The following MACROD2 variants were observed in gnomAD, a reference collection of about 807,000 sequenced individuals.
MACROD2 encodes mono-ADP ribosylhydrolase 2.
MACROD2 carries 36 observed loss-of-function variants against 70.4 expected under a neutral mutation model. The ratio of observed to expected loss-of-function variants is 0.51; its 90% CI spans 0.39 to 0.68. MACROD2 has a LOEUF of 0.68. Among genes scored for constraint, MACROD2 ranks in the 30% least tolerant of loss-of-function variants. MACROD2 has a pLI of 0.00. For synonymous variants in MACROD2, 172 were observed against 178.8 expected (o/e 0.96, Z 0.30); for missense variants, 496 against 538.4 (o/e 0.92, Z 0.78).
chr20:15,949,473 C>A (rs1034015322), intron 12 of MACROD2, among the ~76,000 whole-genome samples: 1 of 152,130 alleles, frequency 6.6e-6, no homozygotes, highest in Non-Finnish European at 1.5e-5. Flanking sequence ...CAGCCCCTGA[C>A]CATCAAGATG....
Position 15,777,493 on chromosome 20 carries a change from TTTTCCTTCCTTCCTTC to T in MACROD2, c.646-85235_646-85220del, listed in dbSNP as rs1249995507. Among the ~76,000 whole-genome samples, 68 of 148,752 alleles carry T rather than the reference TTTTCCTTCCTTCCTTC, an allele frequency of 4.6e-4. 2 individuals carry two copies. The highest frequency in any genetic ancestry group is 3.6e-3 in the East Asian group (18 of 4,980). Reference sequence around the variant, plus strand: ...GTGACAGAGCCAAGTTGATTCTTTTTTTTCCTTCCTTCCTTCTTTCCTTCCTTCCTTCCTTCCTTCC... The same window carrying T: ...GTGACAGAGCCAAGTTGATTCTTTTTTTTCCTTCCTTCCTTCCTTCCTTCC... On this transcript the variant is annotated intron_variant, in intron 8 of 17. Transcript: ENST00000684519.
In MACROD2 at chr20:15,081,166, AAAAAT is replaced by A. The variant is rs1025324989; in HGVS notation, c.419-148763_419-148759del. On this transcript the variant is annotated intron_variant, in intron 5 of 17. Transcript: ENST00000684519. ...ACATCTTTACATGGTTAAAACATTA[AAAAAT>A]AAAATAAAATTTTGTAATAAAAAAA... 1.9e-3 allele frequency among the ~76,000 whole-genome samples: 290 copies of A among 152,248 alleles called. 3 individuals are homozygous for A. The highest frequency in any genetic ancestry group is 6.5e-3 in the African/African-American group (268 of 41,524).
At chr20:15,370,934 G>C (rs190088863) in intron 6 of MACROD2, among the ~76,000 whole-genome samples, 2 of 152,162 alleles carry the variant, frequency 1.3e-5, no homozygotes, top group Admixed American at 1.3e-4. Flanking sequence ...AATGAAACCT[G>C]TATGTCCATA....
intron 5 of MACROD2, among the ~76,000 whole-genome samples, chr20:15,192,912 C>CT (rs1212596517): frequency 6.6e-6 from 1 of 152,198 alleles, no homozygotes; most frequent in African/African-American, 2.4e-5. Flanking sequence ...AAACTGATCT[C>CT]TAACTCCGCA....
chr20:14,767,500 A>G (rs1166486133), intron 5 of MACROD2, among the ~76,000 whole-genome samples: 1 of 151,978 alleles, frequency 6.6e-6, no homozygotes, highest in Non-Finnish European at 1.5e-5. Context: ...TGAAGACAAT[A>G]CATATATAAA....
intron 8 of MACROD2, among the ~76,000 whole-genome samples, chr20:15,565,561 A>G (rs536042222): frequency 1.9e-4 from 29 of 152,346 alleles, no homozygotes; most frequent in African/African-American, 6.5e-4. Flanking sequence ...TTCTTGAGAT[A>G]TAGAAAGTAG....
intron 10 of MACROD2, among the ~76,000 whole-genome samples, chr20:15,886,302 C>A (rs925927586): frequency 6.6e-6 from 1 of 152,146 alleles, no homozygotes; most frequent in African/African-American, 2.4e-5. Context: ...TTGTTCATGG[C>A]CACCTTTATG....
chr20:14,379,138 CTA>C (rs1396878905), intron 3 of MACROD2, among the ~76,000 whole-genome samples: 1 of 152,134 alleles, frequency 6.6e-6, no homozygotes, highest in African/African-American at 2.4e-5. Flanking sequence ...GAAGAAGATA[CTA>C]TTATTCTTAT....
chr20:15,045,372 T>C (rs913144445), intron 5 of MACROD2, among the ~76,000 whole-genome samples: 2 of 152,156 alleles, frequency 1.3e-5, no homozygotes, highest in Non-Finnish European at 2.9e-5. Flanking sequence ...CTTGTCTGTG[T>C]TTTTCTCCCC....
chr20:15,589,465 C>T (rs768076143), intron 8 of MACROD2, among the ~76,000 whole-genome samples: 3 of 152,186 alleles, frequency 2.0e-5, no homozygotes, highest in Non-Finnish European at 4.4e-5. Context: ...CACAGCTTCC[C>T]TCATTATCAA....
chr20:14,556,393 G>A (rs1037317007), intron 4 of MACROD2, among the ~76,000 whole-genome samples: 1 of 152,042 alleles, frequency 6.6e-6, no homozygotes, highest in African/African-American at 2.4e-5. Flanking sequence ...GAATTTTTGT[G>A]TTATCTGTCA....
intron 5 of MACROD2, among the ~76,000 whole-genome samples, chr20:15,107,148 A>T (rs1166544123): frequency 6.6e-6 from 1 of 151,612 alleles, no homozygotes; most frequent in Non-Finnish European, 1.5e-5. Flanking sequence ...TCATTCCAGC[A>T]TTTTATGGAA....
intron 4 of MACROD2, among the ~76,000 whole-genome samples, chr20:14,554,686 T>A (rs1373402476): frequency 6.6e-6 from 1 of 152,134 alleles, no homozygotes; most frequent in Non-Finnish European, 1.5e-5. Flanking sequence ...CTAAGAGATA[T>A]GTATGAGAGA....
intron 6 of MACROD2, among the ~76,000 whole-genome samples, chr20:15,381,054 G>A (rs923613292): frequency 3.5e-4 from 53 of 152,200 alleles, no homozygotes; most frequent in African/African-American, 1.3e-3. Flanking sequence ...GGTACAAAAG[G>A]TTGACAAGCA....
rs368283801 is a variant in MACROD2, at chr20:15,021,121, C to CATACGTGTGTGTATACACAT, written c.419-208819_419-208818insATACGTGTGTGTATACACAT. Among the ~76,000 whole-genome samples, 3 of 102,140 alleles carry CATACGTGTGTGTATACACAT rather than the reference C, an allele frequency of 2.9e-5. 1 individual carries two copies. Among genetic ancestry groups the CATACGTGTGTGTATACACAT allele is most frequent in the African/African-American group, 1.3e-4 (3 of 23,372 alleles). The allele number at this position is 102,140 out of a possible 152,430, so 67.0% of individuals were successfully genotyped here. A position where few individuals can be genotyped will look rare whatever the true frequency, so the allele number is the denominator to read the frequency against. On this transcript the variant is annotated intron_variant, in intron 5 of 17. Transcript: ENST00000684519. ...GTGTATACACGTGTATGTGTATACA[C>CATACGTGTGTGTATACACAT]GTGTGTATACACATACGTGTGTGTA...
At chr20:14,420,407 A>G (rs1195271864) in intron 3 of MACROD2, among the ~76,000 whole-genome samples, 1 of 152,056 alleles carries the variant, frequency 6.6e-6, no homozygotes, top group Non-Finnish European at 1.5e-5. Flanking sequence ...TTGATAGTAG[A>G]CACCCTAATC....
rs1306962712 is a variant in MACROD2, at chr20:14,326,168, G to A, written c.272-167311G>A. The A allele has an allele frequency of 6.2e-7, 1 of 1,613,834 alleles. No individual in the cohort carries two copies. The highest frequency in any genetic ancestry group is 1.1e-5 in the South Asian group (1 of 91,076). Reference sequence around the variant, plus strand: ...GTTTCTGTTATAGATCCAAATGCCGGGCTATGGCCCAGTTTAAGCCAGCTG... The same window carrying A: ...GTTTCTGTTATAGATCCAAATGCCGAGCTATGGCCCAGTTTAAGCCAGCTG... On this transcript the variant is annotated intron_variant, in intron 3 of 17. Transcript: ENST00000684519. This position sits in a 1 kb window ranked among gnomAD's most constrained non-coding sequence, Gnocchi z 5.5.
Position 14,794,396 on chromosome 20 carries a change from G to C in MACROD2, c.418+109437G>C, listed in dbSNP as rs6042925. 1.6e-3 allele frequency among the ~76,000 whole-genome samples: 239 copies of C among 152,080 alleles called. 10 individuals are homozygous for C. Among genetic ancestry groups the C allele is most frequent in the Admixed American group, 0.015 (236 of 15,268 alleles). On this transcript the variant is annotated intron_variant, in intron 5 of 17. Coordinates refer to ENST00000684519, the MANE Select transcript of MACROD2 (RefSeq NM_001351661.2). ...CATGTAATTCTGTTGGTATCAACAA[G>C]GGAAACACCTAATGTGGGAAATTAA...
intron 3 of MACROD2, among the ~76,000 whole-genome samples, chr20:14,188,890 CTATT>C (rs1315456352): frequency 6.6e-6 from 1 of 152,098 alleles, no homozygotes; most frequent in Non-Finnish European, 1.5e-5. Context: ...TTATTTAGAG[CTATT>C]TATTTATGTG....
Sources: gnomAD v4.1 joint callset for allele counts (sites outside exome capture counted in the v4.1 genomes callset) on GRCh38, gnomAD v4.1.1 for gene constraint, Gnocchi (gnomAD v3.1) non-coding constraint, MANE v1.5 for transcripts, NCBI Gene and HGNC (gene_info 2026-07-23, HGNC 2026-07-21) for gene names.